The following PLEKHG1 variants were observed in gnomAD, a reference collection of about 807,000 sequenced individuals.
The protein encoded by PLEKHG1 is pleckstrin homology domain-containing family G member 1.
A neutral mutation model predicts 100.8 loss-of-function variants in PLEKHG1; 44 were observed. That is an observed-to-expected ratio of 0.44 (90% CI 0.34 to 0.56). PLEKHG1 has a LOEUF of 0.56. PLEKHG1 is among the 20% of genes least tolerant of loss of function. The pLI is 0.01. For synonymous variants in PLEKHG1, 640 were observed against 662.5 expected (o/e 0.97, Z 0.52); for missense variants, 1,545 against 1,720.9 (o/e 0.90, Z 1.81).
intron 7 of PLEKHG1, among the ~76,000 whole-genome samples, chr6:150,807,700 G>A (rs369191563): frequency 3.3e-5 from 5 of 152,222 alleles, no homozygotes; most frequent in South Asian, 2.1e-4. Context: ...TAGGCCAGGC[G>A]CCGGGGCTCA....
Position 150,831,146 on chromosome 6 carries a change from G to A in PLEKHG1, c.2035G>A (p.Ala679Thr). ...ACTAATGGTTGCTAAGCGGGAAGAA[G>A]CTGAATCCACTCCCTCTAAATCAGC... Residue 679 changes from alanine (A) to threonine (T), a missense_variant, in exon 15 of 16, where the codon GCT becomes ACT. Ala to Thr is a moderately conservative substitution (Grantham distance 58). Transcript: ENST00000358517. This position sits in a 1 kb window ranked among gnomAD's most constrained non-coding sequence, Gnocchi z 4.1. 3 of 1,614,006 alleles carry A rather than the reference G, an allele frequency of 1.9e-6. No homozygotes were observed. The highest frequency in any genetic ancestry group is 1.1e-5 in the South Asian group (1 of 91,060).
intron 3 of PLEKHG1, among the ~76,000 whole-genome samples, chr6:150,678,449 G>T (rs182945515): frequency 3.3e-5 from 5 of 152,216 alleles, no homozygotes; most frequent in Admixed American, 2.6e-4. Flanking sequence ...TGTTTCACTA[G>T]ATCTGTGTTA....
intron 3 of PLEKHG1, among the ~76,000 whole-genome samples, chr6:150,692,963 C>T: frequency 6.6e-6 from 1 of 152,120 alleles, no homozygotes; most frequent in East Asian, 1.9e-4. Context: ...TTGAGATGTC[C>T]ATATGGCTGA....
chr6:150,722,209 T>C (rs1198230257), intron 1 of PLEKHG1, among the ~76,000 whole-genome samples: 1 of 152,112 alleles, frequency 6.6e-6, no homozygotes, highest in Non-Finnish European at 1.5e-5. Context: ...ATTATGACCA[T>C]TTTCTATACT....
In PLEKHG1 at chr6:150,741,595, A is replaced by G. The variant is rs535519817; in HGVS notation, c.411+7503A>G. On this transcript the variant is annotated intron_variant, in intron 2 of 15. Transcript: ENST00000358517. Reference sequence around the variant, plus strand: ...ACTTAATTTGCTCACTCACTGTCCCATCATGTGGGTACTAGTTTAATTCCT... The same window carrying G: ...ACTTAATTTGCTCACTCACTGTCCCGTCATGTGGGTACTAGTTTAATTCCT... 1.1e-3 allele frequency among the ~76,000 whole-genome samples: 171 copies of G among 152,340 alleles called. 1 individual carries two copies. Among genetic ancestry groups the G allele is most frequent in the African/African-American group, 4.0e-3 (165 of 41,580 alleles).
chr6:150,652,101 T>C (rs1582886896), intron 3 of PLEKHG1: 2 of 152,218 alleles, frequency 1.3e-5, no homozygotes, highest in South Asian at 4.1e-4. Flanking sequence ...AGTTCTGTGG[T>C]ATTTTTAACG....
rs1380704058 is a variant in PLEKHG1, at chr6:150,600,341, T to A, written c.-204+324T>A. ...GGGTTCCGCGCCCCCAAGTTCCCGG[T>A]GCTCCCGCCCCTCGCCCCAGCGGCT... On this transcript the variant is annotated intron_variant, in intron 1 of 3. Coordinates refer to the PLEKHG1 transcript ENST00000367326. The surrounding 1 kb of genome is among the most constrained non-coding windows in gnomAD (Gnocchi z 6.2). Among the ~76,000 whole-genome samples, 2 of 151,262 alleles carry A rather than the reference T, an allele frequency of 1.3e-5. No individual in the cohort carries two copies. Among genetic ancestry groups the A allele is most frequent in the Admixed American group, 1.3e-4 (2 of 15,238 alleles).
intron 1 of PLEKHG1, among the ~76,000 whole-genome samples, chr6:150,605,314 A>G (rs1776552341): frequency 6.6e-6 from 1 of 152,244 alleles, no homozygotes; most frequent in Non-Finnish European, 1.5e-5. Context: ...AGCAGAGTAC[A>G]TACGTGTATG....
At chr6:150,635,379 T>C (rs1353123711) in intron 1 of PLEKHG1, among the ~76,000 whole-genome samples, 5 of 152,188 alleles carry the variant, frequency 3.3e-5, no homozygotes, top group African/African-American at 1.2e-4. Context: ...AGAAAAGTCA[T>C]GAGTGGACAT....
At chr6:150,740,256 A>C (rs1455790778) in intron 2 of PLEKHG1, among the ~76,000 whole-genome samples, 1 of 152,202 alleles carries the variant, frequency 6.6e-6, no homozygotes, top group Non-Finnish European at 1.5e-5. Context: ...TTTCTGATTA[A>C]GCCTGTCTTC....
rs372968535 is a variant in PLEKHG1 at position 150,796,704 on chromosome 6, A to T, written c.629+802A>T. ...CCTATCCCAGTGCCTGGCCCCTCCTAAGTTCTTCATAAGTGCTAGTTCACC... is the reference window on the plus strand; with the variant it reads ...CCTATCCCAGTGCCTGGCCCCTCCTTAGTTCTTCATAAGTGCTAGTTCACC... On this transcript the variant is annotated intron_variant, in intron 5 of 15. Coordinates refer to ENST00000358517, the Ensembl canonical transcript of PLEKHG1. Among the ~76,000 whole-genome samples, 133 of 152,212 alleles carry T rather than the reference A, an allele frequency of 8.7e-4. 1 individual carries two copies. In the South Asian group the frequency reaches 0.027, roughly 31 times the overall value.
intron 1 of PLEKHG1, among the ~76,000 whole-genome samples, chr6:150,733,260 G>A (rs561843462): frequency 6.6e-6 from 1 of 152,118 alleles, no homozygotes; most frequent in Admixed American, 6.5e-5. Context: ...GTCATTCCAG[G>A]TGGTCACACT....
At chr6:150,615,145 G>A (rs1777012922) in intron 1 of PLEKHG1, among the ~76,000 whole-genome samples, 1 of 152,212 alleles carries the variant, frequency 6.6e-6, no homozygotes, top group East Asian at 1.9e-4. Context: ...TAGAAGGTTT[G>A]TTTTTCCTCT....
intron 1 of PLEKHG1, among the ~76,000 whole-genome samples, chr6:150,723,887 A>T (rs1781823198): frequency 6.6e-6 from 1 of 152,190 alleles, no homozygotes; most frequent in African/African-American, 2.4e-5. Flanking sequence ...TTGTACTCAG[A>T]CATGACAGGG....
At chr6:150,770,092 A>G (rs1025400020) in intron 3 of PLEKHG1, among the ~76,000 whole-genome samples, 1 of 152,224 alleles carries the variant, frequency 6.6e-6, no homozygotes, top group Non-Finnish European at 1.5e-5. Context: ...TGATAAACCT[A>G]AAGTGCCGGC....
At chr6:150,792,583 A>C (rs1024700704) in intron 4 of PLEKHG1, among the ~76,000 whole-genome samples, 34 of 151,900 alleles carry the variant, frequency 2.2e-4, no homozygotes, top group Admixed American at 2.0e-3. Flanking sequence ...CTGAGGCAGG[A>C]GAGTCACTTG....
rs1430574987 is a variant in PLEKHG1, at chr6:150,624,295, C to G, written c.-203-13785C>G. ...TCGCTCAGGGGCCCTCACACCCTGC[C>G]TATCTCTGCTTCTTGTCTCCAGGAT... On this transcript the variant is annotated intron_variant, in intron 1 of 3. Coordinates refer to the PLEKHG1 transcript ENST00000367326. Among the ~76,000 whole-genome samples, 3 of 152,150 alleles carry G rather than the reference C, an allele frequency of 2.0e-5. No homozygotes were observed. In the East Asian group the frequency reaches 5.8e-4, roughly 29 times the overall value.
At position 150,795,849 on chromosome 6, in the gene PLEKHG1, C is replaced by G. The variant is rs756805308; in HGVS notation, c.583-7C>G. On this transcript the variant is annotated splice_region_variant and splice_polypyrimidine_tract_variant and intron_variant, in intron 4 of 15. Transcript: ENST00000358517. ...TGCCTATAAAAATTTCTTTTGTTTC[C>G]TTGCAGAGTGAAGAGTTCCACATTT... is the stretch of plus-strand genomic sequence containing the variant. 1 of 1,582,362 alleles carries G rather than the reference C, an allele frequency of 6.3e-7. No homozygotes were observed. Among genetic ancestry groups the G allele is most frequent in the African/African-American group, 1.3e-5 (1 of 74,190 alleles).
intron 2 of PLEKHG1, among the ~76,000 whole-genome samples, chr6:150,644,840 G>A (rs2128570532): frequency 6.6e-6 from 1 of 152,116 alleles, no homozygotes; most frequent in East Asian, 1.9e-4. Flanking sequence ...TAACATCACT[G>A]GAAGTTATTT....
Sources: gnomAD v4.1 joint callset for allele counts (sites outside exome capture counted in the v4.1 genomes callset) on GRCh38, gnomAD v4.1.1 for gene constraint, Gnocchi (gnomAD v3.1) non-coding constraint, MANE v1.5 for transcripts, NCBI Gene and HGNC (gene_info 2026-07-23, HGNC 2026-07-21) for gene names.